JAKMIP2: variants seen among roughly 807,000 people sequenced by gnomAD.
JAKMIP2 encodes the protein janus kinase and microtubule-interacting protein 2.
In JAKMIP2, 25 loss-of-function variants were observed where a neutral mutation model predicts 115.0. The observed-to-expected ratio is 0.22, with a 90% CI of 0.16 to 0.30. The LOEUF (loss-of-function observed/expected upper bound fraction) is 0.30, where lower values mean the gene tolerates loss of function less well. Among genes scored for constraint, JAKMIP2 ranks in the 10% least tolerant of loss-of-function variants. The pLI, the probability that JAKMIP2 is intolerant of heterozygous loss-of-function variation, is 1.00. For synonymous variants in JAKMIP2, 334 were observed against 343.6 expected (o/e 0.97, Z 0.31); for missense variants, 642 against 957.6 (o/e 0.67, Z 4.35).
chr5:147,608,187 G>T (rs992478956), intron 20 of JAKMIP2, among the ~76,000 whole-genome samples: 1 of 152,034 alleles, frequency 6.6e-6, no homozygotes, highest in Admixed American at 6.6e-5. Context: ...GTTTTGCTCT[G>T]ATCTTAGTTA....
chr5:147,640,754 A>G lies in JAKMIP2; in HGVS notation c.1351T>C (p.Ser451Pro). Reference sequence around the variant, plus strand: ...GCTGGTGTTCTGTCTGTTCTAAATGAGGCCATGGATGATGTCTCTGAATCC... The same window carrying G: ...GCTGGTGTTCTGTCTGTTCTAAATGGGGCCATGGATGATGTCTCTGAATCC... The part of the protein sequence containing the change: ...SMDSETSSMA[S>P]FRTDRTPATP... The change falls in exon 9 of 22, where the codon TCA becomes CCA. Residue 451 changes from serine (S) to proline (P), a missense_variant. This residue lies in a region of JAKMIP2 where 439 missense variants were observed against 570.9 expected (regional missense o/e 0.77). Coordinates refer to ENST00000616793, the MANE Select transcript of JAKMIP2 (RefSeq NM_001270941.2). The G allele has an allele frequency of 6.2e-7, 1 of 1,613,768 alleles. No individual in the cohort carries two copies. Among genetic ancestry groups the G allele is most frequent in the Non-Finnish European group, 8.5e-7 (1 of 1,179,772 alleles).
At chr5:147,638,236 T>G (rs1757715277) in intron 10 of JAKMIP2, among the ~76,000 whole-genome samples, 1 of 152,164 alleles carries the variant, frequency 6.6e-6, no homozygotes, top group Admixed American at 6.5e-5. Context: ...GTAGATTATT[T>G]TTCTAAGAAT....
chr5:147,659,623 T>C (rs1758859703), intron 3 of JAKMIP2, among the ~76,000 whole-genome samples: 1 of 152,166 alleles, frequency 6.6e-6, no homozygotes, highest in African/African-American at 2.4e-5. Context: ...CATCAACAAA[T>C]GAAAATATTT....
chr5:147,768,372 A>C (rs1755226706), intron 1 of JAKMIP2, among the ~76,000 whole-genome samples: 1 of 152,192 alleles, frequency 6.6e-6, no homozygotes, highest in Non-Finnish European at 1.5e-5. Flanking sequence ...CGTAGCTGTT[A>C]GAATTATTTC....
intron 1 of JAKMIP2, among the ~76,000 whole-genome samples, chr5:147,738,056 C>T (rs1753991034): frequency 6.6e-6 from 1 of 151,966 alleles, no homozygotes; most frequent in South Asian, 2.1e-4. Context: ...ACTGTGAGCA[C>T]ACGTTTGAGA....
At chr5:147,771,422 A>T (rs1320312425) in intron 1 of JAKMIP2, among the ~76,000 whole-genome samples, 2 of 152,092 alleles carry the variant, frequency 1.3e-5, no homozygotes, top group Non-Finnish European at 2.9e-5. Context: ...AACCAACATA[A>T]AACAAAAACT....
intron 10 of JAKMIP2, among the ~76,000 whole-genome samples, 181 bp downstream of exon 10, chr5:147,639,451 A>G (rs924290791): frequency 6.6e-6 from 1 of 152,240 alleles, no homozygotes; most frequent in Admixed American, 6.5e-5. Flanking sequence ...GCATTGATCT[A>G]AGCTGGTTCT....
At chr5:147,637,975 G>T (rs1243835911) in intron 10 of JAKMIP2, among the ~76,000 whole-genome samples, 1 of 152,062 alleles carries the variant, frequency 6.6e-6, no homozygotes, top group Non-Finnish European at 1.5e-5. Flanking sequence ...AGCGATGAAA[G>T]ATATCCTTAT....
At chr5:147,641,649 C>T (rs1581340233) in intron 8 of JAKMIP2, 59 bp downstream of exon 8, 1 of 1,228,380 alleles carries the variant, frequency 8.1e-7, no homozygotes, top group African/African-American at 1.5e-5. Flanking sequence ...GATTCCATGC[C>T]AAGCCTCATC....
chr5:147,625,321 G>A (rs1757047835), intron 16 of JAKMIP2, among the ~76,000 whole-genome samples: 1 of 152,088 alleles, frequency 6.6e-6, no homozygotes, highest in African/African-American at 2.4e-5. Context: ...AAATTATGCA[G>A]CACAGCGAGA....
intron 17 of JAKMIP2, 43 bp downstream of exon 17, chr5:147,623,578 G>A (rs1331178142): frequency 2.3e-6 from 3 of 1,313,576 alleles, no homozygotes; most frequent in Non-Finnish European, 2.2e-6. Context: ...CATTTGCCTT[G>A]TAAGTTTTTC....
chr5:147,735,123 C>T (rs1327096725), intron 1 of JAKMIP2, among the ~76,000 whole-genome samples: 3 of 152,112 alleles, frequency 2.0e-5, no homozygotes, highest in African/African-American at 4.8e-5. Context: ...CTATTTGTTT[C>T]TCTCCTGCCA....
chr5:147,622,358 A>G (rs536339028), intron 17 of JAKMIP2, among the ~76,000 whole-genome samples: 2 of 152,368 alleles, frequency 1.3e-5, no homozygotes, highest in Non-Finnish European at 2.9e-5. Flanking sequence ...CAACCAATGT[A>G]CAGAATTTTT....
Position 147,782,627 on chromosome 5 carries a change from G to T in JAKMIP2, c.-320C>A. ...GGTGCGAATAGGAACCACCCTTCCA[G>T]CCCCACTAGAGTATCAGCAATAGAG... is the stretch of plus-strand genomic sequence containing the variant. On this transcript the variant is annotated 5_prime_UTR_variant, in exon 1 of 22. The change creates a new upstream start codon in the 5' untranslated region. Transcript: ENST00000616793. 1.4e-6 allele frequency: 1 copy of T among 712,584 alleles called. No homozygotes were observed. Among genetic ancestry groups the T allele is most frequent in the Non-Finnish European group, 2.5e-6 (1 of 399,276 alleles). 44.1% of individuals were successfully genotyped at this position (712,584 alleles called of 1,614,324 possible). A position where few individuals can be genotyped will look rare whatever the true frequency, so the allele number is the denominator to read the frequency against.
chr5:147,655,884 G>T (rs1242983427), intron 3 of JAKMIP2, among the ~76,000 whole-genome samples: 1 of 152,094 alleles, frequency 6.6e-6, no homozygotes, highest in Non-Finnish European at 1.5e-5. Context: ...AGAGATTCTG[G>T]TACATTGTCT....
chr5:147,639,785 A>C (rs767248084), intron 9 of JAKMIP2, 25 bp from the exon 10 acceptor site: 2 of 1,608,448 alleles, frequency 1.2e-6, no homozygotes, highest in East Asian at 4.5e-5. Flanking sequence ...AAAAAGCCCC[A>C]AAACAATTGT....
At chr5:147,692,612 G>T (rs1459286163) in intron 1 of JAKMIP2, among the ~76,000 whole-genome samples, 62 of 152,278 alleles carry the variant, frequency 4.1e-4, no homozygotes, top group Non-Finnish European at 1.2e-4. Context: ...AGTAGGGAGG[G>T]TGTTTGCTCA....
chr5:147,698,949 C>G (rs1388130353), intron 1 of JAKMIP2, among the ~76,000 whole-genome samples: 1 of 152,148 alleles, frequency 6.6e-6, no homozygotes, highest in Non-Finnish European at 1.5e-5. Context: ...CTGAAAGGCT[C>G]TTCACAGTCT....
chr5:147,780,051 A>C (rs1755702065), intron 1 of JAKMIP2, among the ~76,000 whole-genome samples: 1 of 152,174 alleles, frequency 6.6e-6, no homozygotes. Flanking sequence ...TGCTTAGCTT[A>C]TCTGAAACAA....
Sources: gnomAD v4.1 joint callset for allele counts (sites outside exome capture counted in the v4.1 genomes callset) on GRCh38, gnomAD v4.1.1 for gene constraint, gnomAD v4.1.1 regional missense constraint, MANE v1.5 for transcripts, NCBI Gene and HGNC (gene_info 2026-07-23, HGNC 2026-07-21) for gene names.